Variants in NBAS observed in about 807,000 individuals in gnomAD.
NBAS encodes the protein NAG/BC035112 fusion.
In NBAS, 219 loss-of-function variants were observed where a neutral mutation model predicts 302.5. That is an observed-to-expected ratio of 0.72 (90% CI 0.65 to 0.81). The LOEUF (loss-of-function observed/expected upper bound fraction) is 0.81, where lower values mean the gene tolerates loss of function less well. Among genes scored for constraint, NBAS ranks in the 30% least tolerant of loss-of-function variants. The probability of loss-of-function intolerance (pLI) is 0.00; values close to 1 mark genes in which losing one functional copy is unlikely to be tolerated. For synonymous variants in NBAS, 1,118 were observed against 1,021.6 expected, an observed-to-expected ratio of 1.09 and a Z score of -1.80; for missense variants, 2,932 against 2,841.6, an observed-to-expected ratio of 1.03 and a Z score of -0.72.
At chr2:14,784,833 C>T in the NBAS span, among the ~76,000 whole-genome samples, 18 of 152,086 alleles carry the variant, frequency 1.2e-4, 1 homozygote, top group Admixed American at 5.9e-4. Flanking sequence ...AACTTTAAAG[C>T]AGTTTTTTCC....
chr2:15,298,950 A>G (rs1273495074), intron 40 of NBAS, among the ~76,000 whole-genome samples: 1 of 152,060 alleles, frequency 6.6e-6, no homozygotes, highest in Non-Finnish European at 1.5e-5. Flanking sequence ...CGCTTGCCCC[A>G]CACTGCTGAG....
At chr2:14,876,759 T>C in the NBAS span, among the ~76,000 whole-genome samples, 1 of 152,248 alleles carries the variant, frequency 6.6e-6, no homozygotes, top group African/African-American at 2.4e-5. Flanking sequence ...TATCCCCATG[T>C]TGGCTGATCA....
chr2:15,173,850 G>C (rs1355855465), intron 51 of NBAS, among the ~76,000 whole-genome samples: 1 of 152,148 alleles, frequency 6.6e-6, no homozygotes, highest in Non-Finnish European at 1.5e-5. Context: ...AATTCTTCGT[G>C]TTATTATTTC....
intron 48 of NBAS, among the ~76,000 whole-genome samples, chr2:15,203,500 T>C (rs1433266259): frequency 6.6e-6 from 1 of 152,154 alleles, no homozygotes; most frequent in African/African-American, 2.4e-5. Context: ...TTATTCCAGT[T>C]AGAAATTATG....
At chr2:15,171,925 T>C (rs1572391334) in intron 51 of NBAS, among the ~76,000 whole-genome samples, 1 of 152,202 alleles carries the variant, frequency 6.6e-6, no homozygotes, top group South Asian at 2.1e-4. Flanking sequence ...GACATCAGAC[T>C]TCTGGTCTCC....
the NBAS span, among the ~76,000 whole-genome samples, chr2:14,782,256 G>C: frequency 4.6e-5 from 7 of 151,894 alleles, no homozygotes; most frequent in African/African-American, 1.7e-4. Flanking sequence ...ATTAGAACTT[G>C]TTCTTAAAAC....
chr2:15,112,918 A>G, the NBAS span, among the ~76,000 whole-genome samples: 11 of 152,316 alleles, frequency 7.2e-5, no homozygotes, highest in South Asian at 2.3e-3. Flanking sequence ...AAGACTCATC[A>G]TGAGCATTAA....
intron 11 of NBAS, among the ~76,000 whole-genome samples, chr2:15,492,133 A>G (rs1447862048): frequency 1.3e-5 from 2 of 152,230 alleles, no homozygotes; most frequent in African/African-American, 4.8e-5. Flanking sequence ...AAATTACAGT[A>G]TAATAAATAT....
rs531896696 is a variant in NBAS at position 15,257,340 on chromosome 2, T to C, written c.5724+18144A>G. On this transcript the variant is annotated intron_variant, in intron 44 of 51. Coordinates refer to ENST00000281513, the MANE Select transcript of NBAS (RefSeq NM_015909.4). ...TTTGTGTGTGTAAAGGTGTTCATAG[T>C]AGCTCTGAATGATCTTTTGTGTTTC... is the stretch of plus-strand genomic sequence containing the variant. Among the ~76,000 whole-genome samples, 3 of 152,246 alleles carry C rather than the reference T, an allele frequency of 2.0e-5. No individual in the cohort carries two copies. In the South Asian group the frequency reaches 6.2e-4, roughly 32 times the overall value.
intron 48 of NBAS, among the ~76,000 whole-genome samples, chr2:15,204,062 G>A (rs1036454312): frequency 6.6e-6 from 1 of 152,016 alleles, no homozygotes; most frequent in Non-Finnish European, 1.5e-5. Flanking sequence ...AGGAGTTTGA[G>A]TCCAGCCTGA....
the NBAS span, among the ~76,000 whole-genome samples, chr2:15,102,979 G>GGAAGGAAGGAAGGAAGGAAGGAAA: frequency 1.0e-4 from 3 of 29,298 alleles, no homozygotes; most frequent in African/African-American, 1.7e-4. Context: ...GCATTAAGGA[G>GGAAGGAAGGAAGGAAGGAAGGAAA]GAAGGAAGGA....
the NBAS span, among the ~76,000 whole-genome samples, chr2:14,910,122 G>A: frequency 1.3e-5 from 2 of 152,118 alleles, no homozygotes; most frequent in Non-Finnish European, 2.9e-5. Context: ...TTCACCTGAG[G>A]TTCATAAAAA....
intron 44 of NBAS, among the ~76,000 whole-genome samples, chr2:15,271,067 T>C (rs555217359): frequency 2.0e-5 from 3 of 152,338 alleles, no homozygotes; most frequent in African/African-American, 7.2e-5. Flanking sequence ...ACTTATACTA[T>C]AGATTTCACT....
intron 50 of NBAS, among the ~76,000 whole-genome samples, chr2:15,183,510 T>C (rs1483440782): frequency 6.6e-6 from 1 of 152,246 alleles, no homozygotes. Context: ...TAGTGAATTA[T>C]GTGCTATGGA....
At chr2:15,418,996 G>A (rs1004058410) in intron 23 of NBAS, among the ~76,000 whole-genome samples, 3 of 152,162 alleles carry the variant, frequency 2.0e-5, no homozygotes, top group Non-Finnish European at 4.4e-5. Context: ...GAAATGGACT[G>A]GAGTGAAAAT....
rs555247088 is a variant in NBAS, at chr2:15,208,575, A to G, written c.6432+10198T>C. Among the ~76,000 whole-genome samples the G allele has an allele frequency of 3.5e-4, 54 of 152,270 alleles. 1 individual carries two copies. The South Asian group carries it at 9.8e-3, about 28-fold the overall frequency. ...TGGATCAAATAGATATTTACAGAAT[A>G]TTTCCCCCAACAGCTGGAGAATATA... On this transcript the variant is annotated intron_variant, in intron 48 of 51. Transcript: ENST00000281513.
intron 19 of NBAS, among the ~76,000 whole-genome samples, chr2:15,462,340 C>A (rs1228359829): frequency 6.6e-6 from 1 of 152,146 alleles, no homozygotes; most frequent in Non-Finnish European, 1.5e-5. Context: ...GGGAAATACT[C>A]AGTAAGGTGC....
chr2:14,820,652 T>G, the NBAS span, among the ~76,000 whole-genome samples: 1 of 152,284 alleles, frequency 6.6e-6, no homozygotes. Context: ...ACTGTATATT[T>G]TAAAATAACT....
intron 31 of NBAS, among the ~76,000 whole-genome samples, chr2:15,369,393 ATTAT>A (rs1267845535): frequency 6.6e-6 from 1 of 152,204 alleles, no homozygotes; most frequent in Non-Finnish European, 1.5e-5. Context: ...CTCAAGTTTG[ATTAT>A]TTGTCTCCTG....
Sources: allele counts gnomAD v4.1 joint callset (sites outside exome capture counted in the v4.1 genomes callset), GRCh38; gene constraint gnomAD v4.1.1; transcripts MANE v1.5; gene names NCBI Gene and HGNC (gene_info 2026-07-23, HGNC 2026-07-21).